CCDC63: variants seen among roughly 807,000 people sequenced by gnomAD.
The protein encoded by CCDC63 is coiled-coil domain containing 63.
Under a neutral mutation model 63.6 loss-of-function variants are expected in CCDC63, and 54 were observed. The observed-to-expected ratio is 0.85, with a 90% CI of 0.68 to 1.07. The LOEUF is 1.07. Among genes scored for constraint, CCDC63 ranks in the 50% least tolerant of loss-of-function variants. The pLI is 0.00. For synonymous variants in CCDC63, 253 were observed against 266.1 expected (o/e 0.95, Z 0.48); for missense variants, 637 against 689.6 (o/e 0.92, Z 0.86).
intron 4 of CCDC63, among the ~76,000 whole-genome samples, chr12:110,860,505 A>G (rs1473104313): frequency 6.6e-6 from 1 of 152,268 alleles, no homozygotes; most frequent in African/African-American, 2.4e-5. Context: ...GTAGATCCTC[A>G]GTAAACATTT....
intron 5 of CCDC63, among the ~76,000 whole-genome samples, chr12:110,877,576 C>A (rs1179534075): frequency 1.3e-5 from 2 of 151,870 alleles, no homozygotes; most frequent in African/African-American, 4.8e-5. Flanking sequence ...GGGCTCTAGA[C>A]TTGCTCATTC....
intron 5 of CCDC63, among the ~76,000 whole-genome samples, chr12:110,878,489 A>C (rs2071160592): frequency 6.6e-6 from 1 of 151,840 alleles, no homozygotes. Flanking sequence ...TAATTTTTGT[A>C]TTTTTAGTTG....
At chr12:110,871,751 T>G (rs538844070) in intron 4 of CCDC63, among the ~76,000 whole-genome samples, 1 of 152,238 alleles carries the variant, frequency 6.6e-6, no homozygotes, top group African/African-American at 2.4e-5. Flanking sequence ...GGTAGATTAT[T>G]GCAGTGTCTG....
At chr12:110,865,478 A>AG (rs962779598) in intron 4 of CCDC63, among the ~76,000 whole-genome samples, 1 of 151,266 alleles carries the variant, frequency 6.6e-6, no homozygotes, top group African/African-American at 2.4e-5. Flanking sequence ...AAAAAAAAAA[A>AG]AAAAGAAAAA....
intron 8 of CCDC63, among the ~76,000 whole-genome samples, chr12:110,887,723 T>C (rs377488378): frequency 4.0e-5 from 6 of 151,782 alleles, no homozygotes; most frequent in South Asian, 2.1e-4. Context: ...ACTAGCCTCC[T>C]GAGTTGCTGG....
At chr12:110,893,961 G>A (rs1338518916) in intron 9 of CCDC63, among the ~76,000 whole-genome samples, 3 of 146,854 alleles carry the variant, frequency 2.0e-5, no homozygotes, top group Non-Finnish European at 4.5e-5. Flanking sequence ...TCGTGTCACT[G>A]CACTGGGCAA....
At chr12:110,869,060 T>G (rs977669702) in intron 4 of CCDC63, among the ~76,000 whole-genome samples, 1 of 152,116 alleles carries the variant, frequency 6.6e-6, no homozygotes, top group African/African-American at 2.4e-5. Context: ...TTCTGAAGAC[T>G]TGGGGATAAC....
chr12:110,902,690 T>C (rs2071503301), intron 10 of CCDC63, among the ~76,000 whole-genome samples: 2 of 152,120 alleles, frequency 1.3e-5, no homozygotes, highest in Admixed American at 6.6e-5. Flanking sequence ...TGAGATATGA[T>C]AGCAAATTTT....
intron 4 of CCDC63, among the ~76,000 whole-genome samples, chr12:110,867,118 AG>A (rs1566121673): frequency 2.2e-5 from 2 of 92,526 alleles, no homozygotes; most frequent in African/African-American, 8.5e-5. Flanking sequence ...CTGGCCGGGC[AG>A]GGGGGCTGAC....
chr12:110,861,227 T>G (rs892985177), intron 4 of CCDC63, among the ~76,000 whole-genome samples: 5 of 152,152 alleles, frequency 3.3e-5, no homozygotes, highest in Non-Finnish European at 5.9e-5. Context: ...CCATTCAACA[T>G]GAGATTAGGG....
At chr12:110,862,918 G>A (rs1299039737) in intron 4 of CCDC63, among the ~76,000 whole-genome samples, 1 of 151,956 alleles carries the variant, frequency 6.6e-6, no homozygotes, top group Non-Finnish European at 1.5e-5. Flanking sequence ...ACCATGCCTG[G>A]TTAATTTTTG....
intron 4 of CCDC63, among the ~76,000 whole-genome samples, chr12:110,865,817 A>G (rs562109737): frequency 6.6e-6 from 1 of 152,288 alleles, no homozygotes; most frequent in Admixed American, 6.5e-5. Context: ...TAGATGACCT[A>G]CCTCTTCAAA....
At chr12:110,906,022 T>A (rs569390582) in intron 11 of CCDC63, among the ~76,000 whole-genome samples, 4 of 38,798 alleles carry the variant, frequency 1.0e-4, no homozygotes, top group African/African-American at 3.7e-4. Flanking sequence ...ATAATATATA[T>A]TATATATTAT....
At position 110,888,786 on chromosome 12, in the gene CCDC63, T is replaced by TTTCCTTCCTTCC. The variant is rs539750683; in HGVS notation, c.1075-4226_1075-4215dup. Among the ~76,000 whole-genome samples the TTTCCTTCCTTCC allele has an allele frequency of 2.4e-3, 202 of 85,578 alleles. 2 individuals are homozygous for TTTCCTTCCTTCC. The highest frequency in any genetic ancestry group is 5.7e-3 in the Middle Eastern group (1 of 176). 56.1% of individuals were successfully genotyped at this position (85,578 alleles called of 152,430 possible). On this transcript the variant is annotated intron_variant, in intron 8 of 11. Coordinates refer to ENST00000308208, the MANE Select transcript of CCDC63 (RefSeq NM_152591.3). ...CTTCCAACTTTTTTTTTGGTCCTTC[T>TTTCCTTCCTTCC]TTCCTTCCTTCCTTCCTTCCTTCCT... is the stretch of plus-strand genomic sequence containing the variant.
chr12:110,866,466 C>A (rs1343571829), intron 4 of CCDC63, among the ~76,000 whole-genome samples: 1 of 144,528 alleles, frequency 6.9e-6, no homozygotes, highest in African/African-American at 2.6e-5. Flanking sequence ...GACCCTGCGG[C>A]CTTCCGCAGT....
In CCDC63 at chr12:110,893,120, T is replaced by C; in HGVS notation, c.1119T>C (p.Asp373=). The change falls in exon 9 of 12, where the codon GAT becomes GAC. Residue 373 remains aspartate (D), a synonymous_variant. Coordinates refer to ENST00000308208, the MANE Select transcript of CCDC63 (RefSeq NM_152591.3). The part of the protein sequence containing the change: ...LLRSQQKLSH[D]DNHSVLRQLE... ...GATCCCAGCAGAAATTGTCCCACGA[T>C]GACAACCACTCTGTCCTGAGACAGC... 6.2e-7 allele frequency: 1 copy of C among 1,614,116 alleles called. No homozygotes were observed. The highest frequency in any genetic ancestry group is 1.1e-5 in the South Asian group (1 of 91,066).
In CCDC63 at chr12:110,858,781, G is replaced by C. The variant is rs1158924605; in HGVS notation, c.369+6G>C. ...TGGCTGAACTGGATGAGAAGGTGTG[G>C]TCTTTCTCTTAAAGGGTTAACCAGA... On this transcript the variant is annotated splice_donor_region_variant and intron_variant, in intron 4 of 11. Transcript: ENST00000308208. The C allele has an allele frequency of 6.2e-7, 1 of 1,611,362 alleles. No individual in the cohort carries two copies. The highest frequency in any genetic ancestry group is 1.1e-5 in the South Asian group (1 of 90,572).
At chr12:110,861,726 ATTTTTTT>A (rs68137795) in intron 4 of CCDC63, among the ~76,000 whole-genome samples, 1 of 138,422 alleles carries the variant, frequency 7.2e-6, no homozygotes, top group African/African-American at 2.7e-5. Flanking sequence ...TGCCTGGCTA[ATTTTTTT>A]TTTTTTTTTT....
chr12:110,867,532 C>G (rs561463888), intron 4 of CCDC63, among the ~76,000 whole-genome samples: 1 of 122,306 alleles, frequency 8.2e-6, no homozygotes, highest in Non-Finnish European at 1.7e-5. Context: ...GGGGGCTGAC[C>G]CCCCCACCTC....
Sources: allele counts gnomAD v4.1 joint callset (sites outside exome capture counted in the v4.1 genomes callset), GRCh38; gene constraint gnomAD v4.1.1; transcripts MANE v1.5; gene names NCBI Gene and HGNC (gene_info 2026-07-23, HGNC 2026-07-21).